The following PCDHGA1 variants were observed in gnomAD, a reference collection of about 807,000 sequenced individuals.
The protein encoded by PCDHGA1 is protocadherin gamma subfamily A, 1, also known as protocadherin gamma-A1.
PCDHGA1 carries 32 observed loss-of-function variants against 58.0 expected under a neutral mutation model. The observed-to-expected ratio is 0.55, with a 90% CI of 0.42 to 0.74. The LOEUF is 0.74. Ranked by LOEUF, PCDHGA1 falls within the 30% of genes least tolerant of loss-of-function variation. PCDHGA1 has a pLI of 0.00. For synonymous variants in PCDHGA1, 498 were observed against 501.1 expected, an observed-to-expected ratio of 0.99 and a Z score of 0.08; for missense variants, 1,205 against 1,182.3, an observed-to-expected ratio of 1.02 and a Z score of -0.28.
rs750310317 is a variant in PCDHGA1 at position 141,385,220 on chromosome 5, A to G, written c.2421+52115A>G. 8 of 1,614,172 alleles carry G rather than the reference A, an allele frequency of 5.0e-6. No homozygotes were observed. The South Asian group carries it at 7.7e-5, about 16-fold the overall frequency. ...AGTCACCTGATCTTCCCCCAGCCCA[A>G]CTATGTAGACATGCTCATCAGCCAG... On this transcript the variant is annotated intron_variant, in intron 1 of 3. Transcript: ENST00000517417.
chr5:141,343,179 C>T (rs2149730187), intron 1 of PCDHGA1: 3 of 508,114 alleles, frequency 5.9e-6, no homozygotes, highest in South Asian at 1.7e-4. Flanking sequence ...ACCTTAAATC[C>T]CCAAACATAT....
rs1413863478 is a variant in PCDHGA1, at chr5:141,339,995, G to A, written c.2421+6890G>A. The A allele has an allele frequency of 7.4e-6, 12 of 1,613,856 alleles. No homozygotes were observed. In the African/African-American group the frequency reaches 1.6e-4, roughly 22 times the overall value. On this transcript the variant is annotated intron_variant, in intron 1 of 3. Coordinates refer to ENST00000517417, the MANE Select transcript of PCDHGA1 (RefSeq NM_018912.3). The stretch of plus-strand genomic sequence containing the variant: ...TATCGTCACGGTTCTGGATGTGAAT[G>A]ACAATGCCCCAGAATTTTACATGAC...
chr5:141,445,341 A>G (rs1165606147), intron 1 of PCDHGA1, among the ~76,000 whole-genome samples: 2 of 152,218 alleles, frequency 1.3e-5, no homozygotes, highest in African/African-American at 4.8e-5. Context: ...AACAGTAAAC[A>G]TTGGTGTCTG....
chr5:141,415,428 G>A, intron 1 of PCDHGA1: 1 of 1,614,206 alleles, frequency 6.2e-7, no homozygotes, highest in Non-Finnish European at 8.5e-7. Flanking sequence ...ACGGGGTTCG[G>A]GCTTTCCTGC....
intron 1 of PCDHGA1, among the ~76,000 whole-genome samples, chr5:141,439,459 A>ACTG (rs1234039449): frequency 6.6e-6 from 1 of 152,222 alleles, no homozygotes; most frequent in Non-Finnish European, 1.5e-5. Flanking sequence ...GCAAGACTGC[A>ACTG]CTGCTGCCTT....
At chr5:141,355,397 T>C (rs1364667381) in intron 1 of PCDHGA1, 2 of 1,614,048 alleles carry the variant, frequency 1.2e-6, no homozygotes, top group Non-Finnish European at 1.7e-6. Flanking sequence ...GGAGTCCGCA[T>C]CGTCTCCAGA....
At chr5:141,394,467 G>A (rs558211393) in intron 1 of PCDHGA1, 3 of 1,614,238 alleles carry the variant, frequency 1.9e-6, no homozygotes, top group Admixed American at 1.7e-5. Flanking sequence ...GAGCCTGTTC[G>A]TGCTGGACCA....
chr5:141,471,637 T>G (rs1284100810), intron 1 of PCDHGA1: 1 of 152,198 alleles, frequency 6.6e-6, no homozygotes, highest in Non-Finnish European at 1.5e-5. Context: ...TATGGATTAG[T>G]AATATACTGG....
At chr5:141,403,913 G>A (rs567115998) in intron 1 of PCDHGA1, 5 of 1,613,844 alleles carry the variant, frequency 3.1e-6, no homozygotes, top group Non-Finnish European at 8.5e-7. Context: ...GGAAATACAA[G>A]CTGAAGATGG....
intron 1 of PCDHGA1, among the ~76,000 whole-genome samples, chr5:141,449,331 G>T (rs1054980032): frequency 3.3e-5 from 5 of 151,950 alleles, no homozygotes; most frequent in Admixed American, 3.3e-4. Flanking sequence ...TGTAGGCCAG[G>T]TGCAGTGGCT....
intron 1 of PCDHGA1, chr5:141,403,867 A>C (rs755401788): frequency 1.1e-5 from 17 of 1,613,606 alleles, no homozygotes; most frequent in Admixed American, 3.3e-5. Flanking sequence ...CAACAGCAAA[A>C]AGTCTAGATT....
rs1411139425 is a variant in PCDHGA1, at chr5:141,330,813, C to T, written c.129C>T (p.Ser43=). ...TGCCGGAAGAGACAGACAAAGGTTC[C>T]TTCGTAGGCAACATCGCCAAGGACC... The part of the protein sequence containing the change: ...YSVPEETDKG[S]FVGNIAKDLG... The change falls in exon 1 of 4, where the codon TCC becomes TCT. Residue 43 remains serine, a synonymous_variant. Transcript: ENST00000517417. 2 of 1,614,086 alleles carry T rather than the reference C, an allele frequency of 1.2e-6. No individual in the cohort carries two copies. Among genetic ancestry groups the T allele is most frequent in the African/African-American group, 1.3e-5 (1 of 74,910 alleles).
chr5:141,438,599 T>C (rs1320902737), intron 1 of PCDHGA1, among the ~76,000 whole-genome samples: 17 of 32,510 alleles, frequency 5.2e-4, no homozygotes, highest in African/African-American at 6.7e-4. Flanking sequence ...TACATATATA[T>C]ATATATATAT....
rs537619617 is a variant in PCDHGA1 at position 141,483,429 on chromosome 5, C to G, written c.2422-11378C>G. On this transcript the variant is annotated intron_variant, in intron 1 of 3. Coordinates refer to ENST00000517417, the MANE Select transcript of PCDHGA1 (RefSeq NM_018912.3). ...ACAGTGGCAGTACAGATGGAGGGAGCTGACTACAATAAAATCATCAGGACT... is the reference window on the plus strand; with the variant it reads ...ACAGTGGCAGTACAGATGGAGGGAGGTGACTACAATAAAATCATCAGGACT... Among the ~76,000 whole-genome samples the G allele has an allele frequency of 5.3e-5, 8 of 152,158 alleles. No individual in the cohort carries two copies. In the East Asian group the frequency reaches 1.5e-3, roughly 29 times the overall value.
intron 1 of PCDHGA1, chr5:141,415,906 A>C (rs2154546200): frequency 1.3e-6 from 1 of 784,990 alleles, no homozygotes; most frequent in East Asian, 3.5e-5. Context: ...ACAGACTTCC[A>C]TACAGAAGTG....
intron 1 of PCDHGA1, chr5:141,375,951 C>A (rs767101939): frequency 6.2e-7 from 1 of 1,613,408 alleles, no homozygotes; most frequent in Non-Finnish European, 8.5e-7. Flanking sequence ...GGCCTGCACA[C>A]GGGCGAGGTG....
At chr5:141,450,489 CTG>C (rs2098682348) in intron 1 of PCDHGA1, among the ~76,000 whole-genome samples, 1 of 150,280 alleles carries the variant, frequency 6.7e-6, no homozygotes, top group Admixed American at 6.6e-5. Context: ...GTTTGTTTGT[CTG>C]TTTGTTTGTT....
Position 141,438,625 on chromosome 5 carries a change from TATATATATATACAC to T in PCDHGA1, c.2422-56180_2422-56167del, listed in dbSNP as rs1291649000. Among the ~76,000 whole-genome samples, 88 of 46,398 alleles carry T rather than the reference TATATATATATACAC, an allele frequency of 1.9e-3. 1 individual carries two copies. The highest frequency in any genetic ancestry group is 8.6e-3 in the African/African-American group (72 of 8,380). 30.4% of individuals were successfully genotyped at this position (46,398 alleles called of 152,430 possible). A position where few individuals can be genotyped will look rare whatever the true frequency, so the allele number is the denominator to read the frequency against. ...ATATATATATATATATATATATATATATATATATATACACACACACACACACATATATGTATATA... is the reference window on the plus strand; with the variant it reads ...ATATATATATATATATATATATATATACACACACACACATATATGTATATA... On this transcript the variant is annotated intron_variant, in intron 1 of 3. Transcript: ENST00000517417.
chr5:141,375,070 C>T (rs1399275208), intron 1 of PCDHGA1: 2 of 1,613,854 alleles, frequency 1.2e-6, no homozygotes, highest in Admixed American at 1.7e-5. Flanking sequence ...GTCTTCGAGA[C>T]AGAGCGAAAG....
Sources: gnomAD v4.1 joint callset for allele counts (sites outside exome capture counted in the v4.1 genomes callset) on GRCh38, gnomAD v4.1.1 for gene constraint, MANE v1.5 for transcripts, NCBI Gene and HGNC (gene_info 2026-07-23, HGNC 2026-07-21) for gene names.